Variants in OR11A1 observed in about 807,000 individuals in gnomAD.
OR11A1 encodes the protein olfactory receptor family 11 subfamily A member 1, also known as olfactory receptor 11A1.
For missense variants in OR11A1, 380 were observed against 378.2 expected (o/e 1.00, Z -0.04); for synonymous variants, 158 against 152.2 (o/e 1.04, Z -0.28).
intron 1 of OR11A1, among the ~76,000 whole-genome samples, chr6:29,437,396 T>A (rs1352345735): frequency 6.6e-6 from 1 of 152,228 alleles, no homozygotes; most frequent in East Asian, 1.9e-4. Context: ...TTCTCCAGCA[T>A]AACCACAATA....
Position 29,430,399 on chromosome 6 carries a change from G to T in OR11A1, c.-238C>A. The T allele has an allele frequency of 1.0e-6, 1 of 985,324 alleles. No individual in the cohort carries two copies. 61.0% of individuals were successfully genotyped at this position (985,324 alleles called of 1,614,324 possible). A position where few individuals can be genotyped will look rare whatever the true frequency, so the allele number is the denominator to read the frequency against. On this transcript the variant is annotated 5_prime_UTR_variant, in exon 3 of 5. Transcript: ENST00000377149. ...ATTTTATCTGGTCCAAACTCATTCT[G>T]AGGCTTGGAGTCTTTCTATAGGATT...
At chr6:29,456,509 C>CAA (rs577912056) in intron 1 of OR11A1, among the ~76,000 whole-genome samples, 1 of 123,696 alleles carries the variant, frequency 8.1e-6, no homozygotes, top group African/African-American at 3.0e-5. Context: ...GACTCCGTCT[C>CAA]AAAAAAAAAA....
chr6:29,456,863 T>C (rs1202079137), intron 1 of OR11A1, 124 bp downstream of exon 1: 1 of 152,222 alleles, frequency 6.6e-6, no homozygotes, highest in African/African-American at 2.4e-5. Flanking sequence ...TTCTTTTAAC[T>C]TTTTAAAAAC....
chr6:29,446,087 G>T (rs1273260282), intron 1 of OR11A1, among the ~76,000 whole-genome samples: 4 of 152,136 alleles, frequency 2.6e-5, no homozygotes, highest in African/African-American at 9.7e-5. Flanking sequence ...AAGCTTCAAA[G>T]ATGCCACCCA....
chr6:29,440,352 C>T lies in OR11A1; in HGVS notation c.-388-8365G>A, dbSNP rs747586046. On this transcript the variant is annotated intron_variant, in intron 1 of 4. Coordinates refer to ENST00000377149, the MANE Select transcript of OR11A1 (RefSeq NM_001394828.1). Reference sequence around the variant, plus strand: ...CTTCTTTGGCGCCACGGAGTGCTGCCTCCTGGCAGCCATGGCCTATGACCG... The same window carrying T: ...CTTCTTTGGCGCCACGGAGTGCTGCTTCCTGGCAGCCATGGCCTATGACCG... The T allele has an allele frequency of 4.3e-6, 7 of 1,614,114 alleles. No individual in the cohort carries two copies. The Admixed American group carries it at 1.2e-4, about 27-fold the overall frequency.
chr6:29,430,237 A>C, intron 3 of OR11A1, 64 bp downstream of exon 3: 1 of 968,940 alleles, frequency 1.0e-6, no homozygotes, highest in Non-Finnish European at 1.2e-6. Context: ...TTCTTCATAG[A>C]CTACAAAATT....
intron 1 of OR11A1, among the ~76,000 whole-genome samples, chr6:29,455,842 C>T (rs1786092528): frequency 7.4e-6 from 1 of 135,214 alleles, no homozygotes; most frequent in African/African-American, 2.8e-5. Flanking sequence ...TGCCATTGCA[C>T]TCCAGCCTAG....
intron 1 of OR11A1, among the ~76,000 whole-genome samples, chr6:29,448,010 CTTT>C (rs9280602): frequency 1.3e-5 from 1 of 79,934 alleles, no homozygotes. Context: ...ATGACCCTTT[CTTT>C]TTTTTTTTTT....
intron 2 of OR11A1, among the ~76,000 whole-genome samples, chr6:29,430,808 T>G (rs1783176805): frequency 6.6e-6 from 1 of 151,786 alleles, no homozygotes. Context: ...CCTAAATCTG[T>G]AAAAGTAGAT....
rs766411536 is a variant in OR11A1, at chr6:29,427,637, T to C, written c.5A>G (p.Glu2Gly). 10 of 1,601,842 alleles carry C rather than the reference T, an allele frequency of 6.2e-6. No homozygotes were observed. The highest frequency in any genetic ancestry group is 8.5e-6 in the Non-Finnish European group (10 of 1,173,418). Residue 2 changes from glutamate (E) to glycine (G), a missense_variant, in exon 5 of 5, where the codon GAA (glutamate) becomes GGA (glycine). By Grantham distance (98) the Glu-to-Gly change is moderately conservative. Transcript: ENST00000377149. The stretch of plus-strand genomic sequence containing the variant: ...AGTTTCGTTTCCTGTGGAGACAATT[T>C]CCATGTCGATCGTCCAAGTTTCTGC... M[E>G]IVSTGNETIT...
intron 1 of OR11A1, among the ~76,000 whole-genome samples, chr6:29,454,799 T>C (rs1290979031): frequency 6.6e-6 from 1 of 152,132 alleles, no homozygotes; most frequent in Non-Finnish European, 1.5e-5. Flanking sequence ...GATAATTCAA[T>C]ACAGGAAACG....
Position 29,453,770 on chromosome 6 carries a change from G to C in OR11A1, c.-389+3217C>G, listed in dbSNP as rs1785713095. Among the ~76,000 whole-genome samples, 1 of 152,148 alleles carries C rather than the reference G, an allele frequency of 6.6e-6. No homozygotes were observed. The highest frequency in any genetic ancestry group is 2.1e-4 in the South Asian group (1 of 4,834). The stretch of plus-strand genomic sequence containing the variant: ...ACAGGTATGTACAGAAGAAACATGA[G>C]AGAAACCAGCATGAAGTAAAATCCA... On this transcript the variant is annotated intron_variant, in intron 1 of 4. Coordinates refer to ENST00000377149, the MANE Select transcript of OR11A1 (RefSeq NM_001394828.1). The surrounding 1 kb of genome is among the most constrained non-coding windows in gnomAD (Gnocchi z 4.5).
At position 29,425,935 on chromosome 6, in the gene OR11A1, A is replaced by G. The variant is rs1782765625; in HGVS notation, c.*759T>C. 1 of 152,226 alleles carries G rather than the reference A, an allele frequency of 6.6e-6. No individual in the cohort carries two copies. Among genetic ancestry groups the G allele is most frequent in the Admixed American group, 6.5e-5 (1 of 15,284 alleles). The allele number at this position is 152,226 out of a possible 1,614,324, so 9.4% of individuals were successfully genotyped here. ...TACAACTAAAAATTCCCAAAATAGA[A>G]TAACAAATCATGTTTAGCCATACGA... On this transcript the variant is annotated 3_prime_UTR_variant, in exon 5 of 5. Coordinates refer to ENST00000377149, the MANE Select transcript of OR11A1 (RefSeq NM_001394828.1).
chr6:29,434,173 A>G (rs1016689173), intron 1 of OR11A1, among the ~76,000 whole-genome samples: 1 of 152,122 alleles, frequency 6.6e-6, no homozygotes, highest in Non-Finnish European at 1.5e-5. Flanking sequence ...ATTTGATGCA[A>G]TCCCATTTGT....
Position 29,453,478 on chromosome 6 carries a change from G to A in OR11A1, c.-389+3509C>T, listed in dbSNP as rs1158883105. 6.6e-6 allele frequency among the ~76,000 whole-genome samples: 1 copy of A among 152,042 alleles called. No homozygotes were observed. Among genetic ancestry groups the A allele is most frequent in the Non-Finnish European group, 1.5e-5 (1 of 67,982 alleles). ...CTCCAACTTAGTTGATGGTAGTTTT[G>A]CCAGTCAGGAATGGCCATGAAAATC... On this transcript the variant is annotated intron_variant, in intron 1 of 4. Coordinates refer to ENST00000377149, the MANE Select transcript of OR11A1 (RefSeq NM_001394828.1). The surrounding 1 kb of genome is among the most constrained non-coding windows in gnomAD (Gnocchi z 4.5).
intron 1 of OR11A1, chr6:29,440,473 T>C: frequency 2.5e-6 from 4 of 1,613,884 alleles, no homozygotes; most frequent in Non-Finnish European, 3.4e-6. Context: ...TGTGGGGTGC[T>C]GGTGGGGCTG....
chr6:29,428,365 C>A (rs146744437), intron 4 of OR11A1: 1 of 985,366 alleles, frequency 1.0e-6, no homozygotes, highest in Non-Finnish European at 1.2e-6. Context: ...AGGACCAAAC[C>A]CAGCCTGGGG....
intron 1 of OR11A1, among the ~76,000 whole-genome samples, chr6:29,443,618 G>C (rs1784428162): frequency 6.6e-6 from 1 of 152,086 alleles, no homozygotes; most frequent in Non-Finnish European, 1.5e-5. Context: ...ATGAACATTT[G>C]TGTACAAAGT....
At chr6:29,436,938 G>A (rs539945503) in intron 1 of OR11A1, among the ~76,000 whole-genome samples, 1 of 152,348 alleles carries the variant, frequency 6.6e-6, no homozygotes, top group Admixed American at 6.5e-5. Flanking sequence ...AAGCGTTCTT[G>A]GCGTTGGGCG....
Sources: allele counts gnomAD v4.1 joint callset (sites outside exome capture counted in the v4.1 genomes callset), GRCh38; gene constraint gnomAD v4.1.1; non-coding constraint Gnocchi (gnomAD v3.1); transcripts MANE v1.5; gene names NCBI Gene and HGNC (gene_info 2026-07-23, HGNC 2026-07-21).